DYM: variants seen among roughly 807,000 people sequenced by gnomAD.
DYM encodes dymeclin.
A neutral mutation model predicts 93.1 loss-of-function variants in DYM; 78 were observed. The observed-to-expected ratio is 0.84, with a 90% CI of 0.70 to 1.01. The LOEUF is 1.01. DYM is among the 50% of genes least tolerant of loss of function. The probability of loss-of-function intolerance (pLI) is 0.00; values close to 1 mark genes in which losing one functional copy is unlikely to be tolerated. For missense variants in DYM, 789 were observed against 845.0 expected (o/e 0.93, Z 0.82); for synonymous variants, 321 against 319.7 (o/e 1.00, Z -0.04).
chr18:49,145,922 G>T (rs1214519359), intron 15 of DYM, among the ~76,000 whole-genome samples: 1 of 151,480 alleles, frequency 6.6e-6, no homozygotes, highest in Non-Finnish European at 1.5e-5. Flanking sequence ...ATTTAGGAAG[G>T]TTTATATATT....
At chr18:49,270,019 C>T (rs1365228903) in intron 11 of DYM, among the ~76,000 whole-genome samples, 1 of 152,152 alleles carries the variant, frequency 6.6e-6, no homozygotes, top group Non-Finnish European at 1.5e-5. Context: ...TAAACAAATA[C>T]TTACCATTGT....
Position 49,286,349 on chromosome 18 carries a change from C to T in DYM, c.946+85G>A, listed in dbSNP as rs758484180. ...ATGAAAACATACAATGGACACTCAT[C>T]TCCAAAACTATAAGACAATAAACAA... On this transcript the variant is annotated intron_variant, in intron 9 of 17. Coordinates refer to ENST00000675505, the MANE Select transcript of DYM (RefSeq NM_001353214.3). 7.4e-6 allele frequency: 11 copies of T among 1,490,908 alleles called. No homozygotes were observed. In the Admixed American group the frequency reaches 1.8e-4, roughly 25 times the overall value. The allele number at this position is 1,490,908 out of a possible 1,614,324, so 92.4% of individuals were successfully genotyped here. A position where few individuals can be genotyped will look rare whatever the true frequency, so the allele number is the denominator to read the frequency against.
chr18:49,284,713 T>C (rs1490645870), intron 9 of DYM, among the ~76,000 whole-genome samples: 1 of 152,212 alleles, frequency 6.6e-6, no homozygotes, highest in Non-Finnish European at 1.5e-5. Context: ...CTCTGAAACT[T>C]GCTTTCTTAA....
At chr18:49,379,563 A>G (rs2067842392) in intron 4 of DYM, 102 bp downstream of exon 4, 1 of 1,041,760 alleles carries the variant, frequency 9.6e-7, no homozygotes, top group Middle Eastern at 2.3e-4. Flanking sequence ...TAATTCCTTC[A>G]CAGAGATTTT....
At chr18:49,322,259 C>T (rs2062543478) in intron 8 of DYM, among the ~76,000 whole-genome samples, 1 of 152,006 alleles carries the variant, frequency 6.6e-6, no homozygotes, top group Non-Finnish European at 1.5e-5. Flanking sequence ...AACCATATAT[C>T]AGAAGTTATT....
At chr18:49,180,788 A>C (rs1050879938) in intron 14 of DYM, among the ~76,000 whole-genome samples, 5 of 152,112 alleles carry the variant, frequency 3.3e-5, no homozygotes, top group Non-Finnish European at 7.4e-5. Flanking sequence ...CAGTTTCCTT[A>C]TACTTGGTGA....
chr18:49,045,761 G>A lies in DYM; in HGVS notation c.2026-1557C>T, dbSNP rs528289869. 9.9e-5 allele frequency among the ~76,000 whole-genome samples: 15 copies of A among 152,230 alleles called. No individual in the cohort carries two copies. The East Asian group carries it at 2.3e-3, about 24-fold the overall frequency. Reference sequence around the variant, plus strand: ...GAGGTGAGCTCCCCTGGAGGGCCCCGCACAGGAAAGGCCTGGGTGTGAGGC... The same window carrying A: ...GAGGTGAGCTCCCCTGGAGGGCCCCACACAGGAAAGGCCTGGGTGTGAGGC... On this transcript the variant is annotated intron_variant, in intron 17 of 17. Transcript: ENST00000675505.
At chr18:49,384,959 C>T (rs1234899969) in intron 3 of DYM, among the ~76,000 whole-genome samples, 1 of 150,760 alleles carries the variant, frequency 6.6e-6, no homozygotes, top group Admixed American at 6.6e-5. Context: ...AAAAGATCTT[C>T]GTACACCAAT....
intron 2 of DYM, among the ~76,000 whole-genome samples, chr18:49,401,093 T>C (rs2070761146): frequency 6.6e-6 from 1 of 152,244 alleles, no homozygotes; most frequent in South Asian, 2.1e-4. Flanking sequence ...CAAATATTCA[T>C]ACTAATTCAG....
chr18:49,155,113 T>A (rs1294330953), intron 15 of DYM, among the ~76,000 whole-genome samples: 4 of 152,248 alleles, frequency 2.6e-5, no homozygotes, highest in Non-Finnish European at 2.9e-5. Flanking sequence ...CTTATTTCTA[T>A]TTTTTGTTCT....
chr18:49,442,767 C>T (rs993965486), intron 1 of DYM, among the ~76,000 whole-genome samples: 1 of 152,172 alleles, frequency 6.6e-6, no homozygotes, highest in Non-Finnish European at 1.5e-5. Flanking sequence ...CAAACTATGG[C>T]GTGGTACTTT....
At chr18:49,145,127 ATATATAT>A (rs1568490435) in intron 15 of DYM, among the ~76,000 whole-genome samples, 12 of 113,956 alleles carry the variant, frequency 1.1e-4, no homozygotes, top group Non-Finnish European at 1.8e-4. Context: ...ATATATATAT[ATATATAT>A]AATTTATATA....
chr18:49,322,812 A>G (rs2062592707), intron 8 of DYM, among the ~76,000 whole-genome samples: 1 of 152,194 alleles, frequency 6.6e-6, no homozygotes, highest in African/African-American at 2.4e-5. Context: ...CATTTATTGT[A>G]TACTTCCAAG....
chr18:49,109,914 CT>C (rs1316219988), intron 16 of DYM, among the ~76,000 whole-genome samples: 1 of 152,244 alleles, frequency 6.6e-6, no homozygotes, highest in Non-Finnish European at 1.5e-5. Flanking sequence ...ACTTCCAATT[CT>C]TCCCTCTCAT....
intron 13 of DYM, among the ~76,000 whole-genome samples, chr18:49,211,965 C>T (rs1395303946): frequency 6.6e-6 from 1 of 152,052 alleles, no homozygotes; most frequent in Non-Finnish European, 1.5e-5. Context: ...TGTGTATCAC[C>T]AGCACTTTAA....
chr18:49,404,539 G>A (rs570712420), intron 2 of DYM, among the ~76,000 whole-genome samples: 2 of 152,216 alleles, frequency 1.3e-5, no homozygotes, highest in African/African-American at 2.4e-5. Context: ...TCCCACCAAC[G>A]ATGTATAAGC....
chr18:49,244,013 T>TA (rs200974139), intron 13 of DYM, among the ~76,000 whole-genome samples: 16 of 152,148 alleles, frequency 1.1e-4, no homozygotes, highest in South Asian at 6.2e-4. Flanking sequence ...GATTTTTTTT[T>TA]AAAAAAGTCA....
intron 1 of DYM, among the ~76,000 whole-genome samples, chr18:49,441,276 TTATATAATTATATATAATATAATTA>T (rs2081551798): frequency 2.3e-5 from 1 of 43,296 alleles, no homozygotes; most frequent in African/African-American, 9.3e-5. Flanking sequence ...ATAATATATA[TTATATAATTATATATAATATAATTA>T]TATATAATTA....
intron 13 of DYM, among the ~76,000 whole-genome samples, chr18:49,241,832 G>A (rs1225968374): frequency 1.3e-5 from 2 of 152,138 alleles, no homozygotes; most frequent in Admixed American, 6.5e-5. Context: ...AACATATTTC[G>A]AATTTTTCAA....
Sources: gnomAD v4.1 joint callset for allele counts (sites outside exome capture counted in the v4.1 genomes callset) on GRCh38, gnomAD v4.1.1 for gene constraint, MANE v1.5 for transcripts, NCBI Gene and HGNC (gene_info 2026-07-23, HGNC 2026-07-21) for gene names.